Variants in DCBLD1 observed in about 807,000 individuals in gnomAD.
DCBLD1 encodes discoidin, CUB and LCCL domain-containing protein 1.
In DCBLD1, 57 loss-of-function variants were observed where a neutral mutation model predicts 71.5. That is an observed-to-expected ratio of 0.80 (90% confidence interval 0.64 to 0.99). The LOEUF (loss-of-function observed/expected upper bound fraction) is 0.99, where lower values mean the gene tolerates loss of function less well. Ranked by LOEUF, DCBLD1 falls within the 50% of genes least tolerant of loss-of-function variation. DCBLD1 has a pLI of 0.00. For synonymous variants in DCBLD1, 380 were observed against 363.8 expected (o/e 1.04, Z -0.51); for missense variants, 891 against 923.5 (o/e 0.96, Z 0.46).
At chr6:117,512,099 C>T (rs1443520571) in intron 2 of DCBLD1, among the ~76,000 whole-genome samples, 1 of 152,152 alleles carries the variant, frequency 6.6e-6, no homozygotes, top group East Asian at 1.9e-4. Flanking sequence ...TTGGGTTCCT[C>T]CTCCTCTTTC....
intron 14 of DCBLD1, among the ~76,000 whole-genome samples, chr6:117,565,946 C>T (rs1779687820): frequency 6.6e-6 from 1 of 152,156 alleles, no homozygotes; most frequent in African/African-American, 2.4e-5. Flanking sequence ...TTTATGCATA[C>T]TTCCCATCTC....
intron 1 of DCBLD1, among the ~76,000 whole-genome samples, chr6:117,493,509 C>CA (rs1482167869): frequency 1.3e-5 from 2 of 152,056 alleles, no homozygotes; most frequent in East Asian, 3.9e-4. Context: ...ATAATTTTTA[C>CA]AAAAAAACTC....
At chr6:117,559,804 A>C (rs1445470390) in intron 14 of DCBLD1, among the ~76,000 whole-genome samples, 6 of 152,248 alleles carry the variant, frequency 3.9e-5, no homozygotes, top group Non-Finnish European at 8.8e-5. Context: ...CTGACCAAAA[A>C]AAAATTCATA....
At chr6:117,551,076 ACTGAT>A (rs1218901673), downstream of DCBLD1, among the ~76,000 whole-genome samples, 2 of 152,066 alleles carry the variant, frequency 1.3e-5, no homozygotes, top group Admixed American at 1.3e-4. Context: ...CCTGTCTCCC[ACTGAT>A]CTTGCTCCCA....
intron 1 of DCBLD1, among the ~76,000 whole-genome samples, chr6:117,489,800 G>T (rs1334079754): frequency 6.6e-6 from 1 of 152,204 alleles, no homozygotes; most frequent in Non-Finnish European, 1.5e-5. Flanking sequence ...CAGGAGAATG[G>T]CGTGAACCCG....
intron 2 of DCBLD1, among the ~76,000 whole-genome samples, chr6:117,518,364 C>A (rs1778275005): frequency 6.6e-6 from 1 of 152,184 alleles, no homozygotes; most frequent in South Asian, 2.1e-4. Flanking sequence ...ATTCAACAAA[C>A]CTCTAGGAAG....
chr6:117,521,509 T>G lies in DCBLD1; in HGVS notation c.461-16T>G. The G allele has an allele frequency of 6.4e-7, 1 of 1,565,476 alleles. No individual in the cohort carries two copies. The highest frequency in any genetic ancestry group is 8.6e-7 in the Non-Finnish European group (1 of 1,157,856). On this transcript the variant is annotated splice_polypyrimidine_tract_variant and intron_variant, in intron 3 of 14. Coordinates refer to ENST00000338728, the MANE Select transcript of DCBLD1 (RefSeq NM_001366458.2). ...TTATTCATTCTATTAATTGCAATTA[T>G]CTTTATTTATGACAGATTTAATAAC...
At chr6:117,568,389 G>A (rs1442023881) in intron 14 of DCBLD1, among the ~76,000 whole-genome samples, 1 of 152,030 alleles carries the variant, frequency 6.6e-6, no homozygotes, top group Non-Finnish European at 1.5e-5. Flanking sequence ...TAGTCTCTTT[G>A]GTGCTCTTCT....
intron 1 of DCBLD1, among the ~76,000 whole-genome samples, chr6:117,497,214 TA>T (rs1350320879): frequency 6.6e-6 from 1 of 152,164 alleles, no homozygotes; most frequent in Non-Finnish European, 1.5e-5. Flanking sequence ...AAAAAAAGTA[TA>T]TTTGCACTGT....
At chr6:117,497,845 T>C (rs931036339) in intron 1 of DCBLD1, among the ~76,000 whole-genome samples, 20 of 152,186 alleles carry the variant, frequency 1.3e-4, no homozygotes, top group Non-Finnish European at 2.1e-4. Flanking sequence ...TTATATTATT[T>C]TTCTCCTTTA....
chr6:117,565,438 A>C (rs868019722), intron 14 of DCBLD1, among the ~76,000 whole-genome samples: 1 of 152,152 alleles, frequency 6.6e-6, no homozygotes, highest in Non-Finnish European at 1.5e-5. Flanking sequence ...AACTTTTCAC[A>C]CTCTGTTATA....
downstream of DCBLD1, among the ~76,000 whole-genome samples, chr6:117,554,363 A>G (rs984532524): frequency 2.6e-5 from 4 of 152,246 alleles, no homozygotes; most frequent in African/African-American, 9.6e-5. Flanking sequence ...TATTATGTTA[A>G]GAAAGCATCT....
chr6:117,521,413 ATAGTG>A, intron 3 of DCBLD1, 107 bp from the exon 4 acceptor site: 1 of 854,906 alleles, frequency 1.2e-6, no homozygotes, highest in Non-Finnish European at 1.8e-6. Context: ...TGATAACTAC[ATAGTG>A]AATAAATGCT....
intron 2 of DCBLD1, among the ~76,000 whole-genome samples, chr6:117,510,333 A>G (rs1582988150): frequency 3.3e-5 from 5 of 149,302 alleles, no homozygotes; most frequent in Admixed American, 3.3e-4. Context: ...TCTAACACAC[A>G]CAGACACAGA....
rs559704984 is a variant in DCBLD1, at chr6:117,505,371, G to A, written c.325+1392G>A. Among the ~76,000 whole-genome samples the A allele has an allele frequency of 7.2e-5, 11 of 152,290 alleles. No homozygotes were observed. The East Asian group carries it at 1.5e-3, about 21-fold the overall frequency. The stretch of plus-strand genomic sequence containing the variant: ...ATTTCTCTCAGATTCTGAGGAGGGG[G>A]TAAGTGTCAGAGCTGCAGTGTGAAA... On this transcript the variant is annotated intron_variant, in intron 2 of 14. Transcript: ENST00000338728.
rs1778911219 is a variant in DCBLD1 at position 117,537,220 on chromosome 6, C to T, written c.755C>T (p.Ser252Phe). 1 of 1,613,884 alleles carries T rather than the reference C, an allele frequency of 6.2e-7. No individual in the cohort carries two copies. The highest frequency in any genetic ancestry group is 2.2e-5 in the East Asian group (1 of 44,858). The change falls in exon 7 of 15, where the codon TCC becomes TTC. Residue 252 changes from serine (S) to phenylalanine (F), a missense_variant. Ser to Phe is a radical substitution (Grantham distance 155). Coordinates refer to ENST00000338728, the MANE Select transcript of DCBLD1 (RefSeq NM_001366458.2). ...TCAGACAAGCGATTTCTGTTTACCT[C>T]CAATGGTAAGGATCATGCTTTCCTT... Reference protein sequence around the residue: ...SLSDKRFLFTSNGCSRSLSFE... With the variant: ...SLSDKRFLFTFNGCSRSLSFE...
chr6:117,569,636 G>A (rs753528422), exon 15 of DCBLD1: 7 of 1,613,002 alleles, frequency 4.3e-6, no homozygotes, highest in Non-Finnish European at 5.9e-6. Context: ...TCCGTTGACT[G>A]CCAAAATAGC....
intron 14 of DCBLD1, among the ~76,000 whole-genome samples, chr6:117,567,191 G>A (rs1383092134): frequency 6.6e-6 from 1 of 152,164 alleles, no homozygotes; most frequent in African/African-American, 2.4e-5. Flanking sequence ...TAAAGAGGTA[G>A]TGAGGCCATC....
chr6:117,557,609 CA>C (rs1779511163), intron 14 of DCBLD1, among the ~76,000 whole-genome samples: 1 of 151,860 alleles, frequency 6.6e-6, no homozygotes, highest in Admixed American at 6.6e-5. Context: ...ACTAAAAATA[CA>C]AAAATTAGCC....
Sources: gnomAD v4.1 joint callset for allele counts (sites outside exome capture counted in the v4.1 genomes callset) on GRCh38, gnomAD v4.1.1 for gene constraint, MANE v1.5 for transcripts, NCBI Gene and HGNC (gene_info 2026-07-23, HGNC 2026-07-21) for gene names.